Variants in KLRD1 observed in about 807,000 individuals in gnomAD.
KLRD1 encodes natural killer cells antigen CD94.
A neutral mutation model predicts 22.6 loss-of-function variants in KLRD1; 21 were observed. The ratio of observed to expected loss-of-function variants is 0.93; its 90% CI spans 0.66 to 1.34. The LOEUF is 1.34. Among genes scored for constraint, KLRD1 ranks in the 40% most tolerant of loss-of-function variants. The pLI is 0.00. For missense variants in KLRD1, 183 were observed against 208.6 expected, an observed-to-expected ratio of 0.88 and a Z score of 0.76; for synonymous variants, 59 against 71.1, an observed-to-expected ratio of 0.83 and a Z score of 0.85.
chr12:10,282,848 A>G (rs1400195676), intron 1 of KLRD1, among the ~76,000 whole-genome samples: 1 of 152,188 alleles, frequency 6.6e-6, no homozygotes, highest in Non-Finnish European at 1.5e-5. Context: ...GACAGTCTCT[A>G]CAACCTAAGA....
At position 10,315,001 on chromosome 12, in the gene KLRD1, C is replaced by G. The variant is rs1565474471; in HGVS notation, c.*208C>G. ...CTACATTTGAGAATTATAAAATTAA[C>G]ATAAAGAATTTTGTATTTTCATTTA... is the stretch of plus-strand genomic sequence containing the variant. On this transcript the variant is annotated 3_prime_UTR_variant, in exon 6 of 6. Coordinates refer to ENST00000336164, the MANE Select transcript of KLRD1 (RefSeq NM_002262.5). The G allele has an allele frequency of 2.6e-6, 1 of 385,332 alleles. No homozygotes were observed. Among genetic ancestry groups the G allele is most frequent in the Non-Finnish European group, 4.5e-6 (1 of 220,060 alleles). 23.9% of individuals were successfully genotyped at this position (385,332 alleles called of 1,614,324 possible).
intron 4 of KLRD1, 68 bp from the exon 5 acceptor site, chr12:10,313,342 C>T (rs1454338939): frequency 7.0e-6 from 6 of 853,186 alleles, no homozygotes; most frequent in South Asian, 1.9e-5. Flanking sequence ...ACTGACTTTC[C>T]CTCAAAATAT....
chr12:10,315,127 A>T lies in KLRD1; in HGVS notation c.*334A>T. On this transcript the variant is annotated 3_prime_UTR_variant, in exon 6 of 6. Transcript: ENST00000336164. The stretch of plus-strand genomic sequence containing the variant: ...CTCAGCAGAAATTTAAATAAGATTT[A>T]ATTCACATCAAATAAAATTTAGAAA... The T allele has an allele frequency of 3.8e-6, 1 of 263,016 alleles. No homozygotes were observed. Among genetic ancestry groups the T allele is most frequent in the Non-Finnish European group, 7.3e-6 (1 of 136,998 alleles). 16.3% of individuals were successfully genotyped at this position (263,016 alleles called of 1,614,324 possible).
At chr12:10,241,590 C>T (rs746583647) in intron 1 of KLRD1, among the ~76,000 whole-genome samples, 10 of 151,996 alleles carry the variant, frequency 6.6e-5, no homozygotes, top group Non-Finnish European at 1.2e-4. Context: ...ATTTACACCT[C>T]AAAGCGGCTG....
upstream of KLRD1, among the ~76,000 whole-genome samples, chr12:10,301,147 A>G (rs1949862975): frequency 6.6e-6 from 1 of 152,224 alleles, no homozygotes; most frequent in African/African-American, 2.4e-5. Context: ...TTGCAGCACA[A>G]TGGCAGCAAT....
At chr12:10,312,567 A>G (rs1214723234) in intron 4 of KLRD1, among the ~76,000 whole-genome samples, 19 of 148,942 alleles carry the variant, frequency 1.3e-4, no homozygotes, top group Non-Finnish European at 2.4e-4. Flanking sequence ...TTTAGTAGAG[A>G]CGCGGTTTCA....
In KLRD1 at chr12:10,256,402, A is replaced by T. The variant is rs148826720; in HGVS notation, c.-101+30169A>T. ...TATTTTCCCACTCATTTTTTCCATT[A>T]TTGACTTTCTTTGTGATTAGCTGTT... On this transcript the variant is annotated intron_variant, in intron 1 of 5. Coordinates refer to the KLRD1 transcript ENST00000544747. Among the ~76,000 whole-genome samples, 375 of 134,482 alleles carry T rather than the reference A, an allele frequency of 2.8e-3. 2 individuals carry two copies. The highest frequency in any genetic ancestry group is 0.01 in the African/African-American group (356 of 34,518). 88.2% of individuals were successfully genotyped at this position (134,482 alleles called of 152,430 possible).
Position 10,273,211 on chromosome 12 carries a change from T to C in KLRD1, c.-100-34767T>C, listed in dbSNP as rs568524431. Among the ~76,000 whole-genome samples the C allele has an allele frequency of 1.1e-4, 17 of 152,302 alleles. No individual in the cohort carries two copies. The East Asian group carries it at 2.3e-3, about 21-fold the overall frequency. ...ATAAAATTTTTACAGTCATTAAACA[T>C]AGATGAGATAGCTTTTCAGGTATTT... is the stretch of plus-strand genomic sequence containing the variant. On this transcript the variant is annotated intron_variant, in intron 1 of 5. Transcript: ENST00000544747.
chr12:10,280,734 C>T (rs1297248406), intron 1 of KLRD1, among the ~76,000 whole-genome samples: 3 of 152,120 alleles, frequency 2.0e-5, no homozygotes, highest in East Asian at 1.9e-4. Flanking sequence ...ATACAGTTGT[C>T]AGAGCTCAGC....
At chr12:10,312,305 G>A (rs11053740) in intron 4 of KLRD1, among the ~76,000 whole-genome samples, 84,834 of 151,684 alleles carry the variant, frequency 0.56, 24,587 homozygotes, top group Middle Eastern at 0.68. Context: ...ACCCTCCTTG[G>A]CCTCCCAAAG....
chr12:10,301,959 A>G (rs952449486), upstream of KLRD1, among the ~76,000 whole-genome samples: 7 of 152,156 alleles, frequency 4.6e-5, no homozygotes, highest in African/African-American at 1.7e-4. Context: ...CGAGATGGGG[A>G]ACAGCTGGTC....
intron 1 of KLRD1, among the ~76,000 whole-genome samples, chr12:10,260,497 T>G (rs73068064): frequency 0.026 from 3,923 of 152,236 alleles, 147 homozygotes; most frequent in East Asian, 0.15. Context: ...ATGGGGAAAT[T>G]GTGATTTATA....
intron 1 of KLRD1, among the ~76,000 whole-genome samples, chr12:10,246,004 ATTTG>A (rs557978156): frequency 1.9e-4 from 29 of 152,128 alleles, no homozygotes; most frequent in African/African-American, 6.3e-4. Context: ...AAAAAGAAGC[ATTTG>A]TTTGTTTGTT....
intron 1 of KLRD1, among the ~76,000 whole-genome samples, chr12:10,269,241 C>G (rs1334548226): frequency 6.6e-6 from 1 of 152,106 alleles, no homozygotes; most frequent in Non-Finnish European, 1.5e-5. Context: ...ACCTTCACCT[C>G]CCAGGTTCAA....
rs1362183778 is a variant in KLRD1 at position 10,321,871 on chromosome 12, A to G, written c.*7078A>G. The G allele has an allele frequency of 6.6e-6, 1 of 152,158 alleles. No individual in the cohort carries two copies. The highest frequency in any genetic ancestry group is 1.5e-5 in the Non-Finnish European group (1 of 68,042). The allele number at this position is 152,158 out of a possible 1,614,324, so 9.4% of individuals were successfully genotyped here. A position where few individuals can be genotyped will look rare whatever the true frequency, so the allele number is the denominator to read the frequency against. On this transcript the variant is annotated 3_prime_UTR_variant, in exon 6 of 6. Transcript: ENST00000336164. ...CAACCCAACCTACATTTTTACTGCAACCTCATGAGGGATCCTGAGCTAGAA... is the reference window on the plus strand; with the variant it reads ...CAACCCAACCTACATTTTTACTGCAGCCTCATGAGGGATCCTGAGCTAGAA...
intron 1 of KLRD1, among the ~76,000 whole-genome samples, chr12:10,247,302 TATC>T (rs1237012089): frequency 4.6e-5 from 7 of 152,290 alleles, no homozygotes; most frequent in African/African-American, 1.7e-4. Flanking sequence ...ATATTTCTAA[TATC>T]ATCTAAGTCA....
intron 1 of KLRD1, among the ~76,000 whole-genome samples, chr12:10,254,177 C>T (rs564883239): frequency 6.6e-6 from 1 of 152,184 alleles, no homozygotes; most frequent in Admixed American, 6.5e-5. Flanking sequence ...GCCTGTAATC[C>T]CAGCACTTTG....
At chr12:10,250,001 G>C (rs1432565996) in intron 1 of KLRD1, among the ~76,000 whole-genome samples, 2 of 151,982 alleles carry the variant, frequency 1.3e-5, no homozygotes, top group African/African-American at 4.8e-5. Context: ...TTGTTTTCTC[G>C]AAGACCATTA....
At chr12:10,310,945 T>C (rs980264539) in intron 3 of KLRD1, among the ~76,000 whole-genome samples, 1 of 152,210 alleles carries the variant, frequency 6.6e-6, no homozygotes, top group African/African-American at 2.4e-5. Flanking sequence ...CTCAAGATAA[T>C]TGGTTTATTT....
Sources: gnomAD v4.1 joint callset for allele counts (sites outside exome capture counted in the v4.1 genomes callset) on GRCh38, gnomAD v4.1.1 for gene constraint, MANE v1.5 for transcripts, NCBI Gene and HGNC (gene_info 2026-07-23, HGNC 2026-07-21) for gene names.